MAS1L: variants seen among roughly 807,000 people sequenced by gnomAD.
MAS1L encodes MAS1 proto-oncogene like, G protein-coupled receptor.
For synonymous variants in MAS1L, 160 were observed against 182.9 expected (o/e 0.87, Z 1.01); for missense variants, 441 against 460.1 (o/e 0.96, Z 0.38).
chr6:29,487,642 G>A lies in MAS1L; in HGVS notation c.261C>T (p.Leu87=), dbSNP rs879211902. The part of the protein sequence containing the change: ...IIAPKAVLVS[L]CGVLLNGTVF... ...CAGTGCCATTCAATAAGACCCCACA[G>A]AGGGAGACCAGCACAGCCTTGGGGG... The change falls in exon 1 of 1, where the codon CTC becomes CTT. Residue 87 remains leucine, a synonymous_variant. Coordinates refer to ENST00000377127, the MANE Select transcript of MAS1L (RefSeq NM_052967.2). 6.2e-7 allele frequency: 1 copy of A among 1,614,242 alleles called. No homozygotes were observed. Among genetic ancestry groups the A allele is most frequent in the Non-Finnish European group, 8.5e-7 (1 of 1,180,046 alleles).
Position 29,487,467 on chromosome 6 carries a change from G to A in MAS1L, c.436C>T (p.Pro146Ser). ...GGAGACAATATGGCCAGGAAATCAG[G>A]GATAAAAAACACGACTCCATGATAA... ...LTYHGVVFFI[P>S]DFLAILSPFS... The change falls in exon 1 of 1, where the codon CCT becomes TCT. Residue 146 changes from proline to serine, a missense_variant. Pro to Ser is a moderately conservative substitution (Grantham distance 74, BLOSUM62 -1). Transcript: ENST00000377127. The A allele has an allele frequency of 6.2e-7, 1 of 1,613,576 alleles. No individual in the cohort carries two copies.
chr6:29,487,489 A>T, the MAS1L span: 2 of 1,614,070 alleles, frequency 1.2e-6, no homozygotes, highest in East Asian at 2.2e-5. Flanking sequence ...CGACTCCATG[A>T]TAAGTTAGCA....
rs908649034 is a variant in MAS1L, at chr6:29,486,809, T to C, written c.1094A>G (p.Glu365Gly). 1 of 1,613,874 alleles carries C rather than the reference T, an allele frequency of 6.2e-7. No individual in the cohort carries two copies. The highest frequency in any genetic ancestry group is 8.5e-7 in the Non-Finnish European group (1 of 1,179,998). The change falls in exon 1 of 1, where the codon GAG becomes GGG. Residue 365 changes from glutamate (E) to glycine (G), a missense_variant. Coordinates refer to ENST00000377127, the MANE Select transcript of MAS1L (RefSeq NM_052967.2). ...CCTGTGCTCCCTGGGAAGAAGGTTC[T>C]CCACATGCTGAGTAGAGTGTGGTTG... is the stretch of plus-strand genomic sequence containing the variant. Reference protein sequence around the residue: ...MEQPHSTQHVENLLPREHRVD... With the variant: ...MEQPHSTQHVGNLLPREHRVD...
At position 29,487,616 on chromosome 6, in the gene MAS1L, A is replaced by G; in HGVS notation, c.287T>C (p.Val96Ala). 6.2e-7 allele frequency: 1 copy of G among 1,614,218 alleles called. No homozygotes were observed. Among genetic ancestry groups the G allele is most frequent in the Non-Finnish European group, 8.5e-7 (1 of 1,180,040 alleles). The change falls in exon 1 of 1, where the codon GTC becomes GCC. Residue 96 changes from valine to alanine, a missense_variant. Coordinates refer to ENST00000377127, the MANE Select transcript of MAS1L (RefSeq NM_052967.2). ...GGCCCCACAGCAAAGCAGCCAGAAGACAGTGCCATTCAATAAGACCCCACA... is the reference window on the plus strand; with the variant it reads ...GGCCCCACAGCAAAGCAGCCAGAAGGCAGTGCCATTCAATAAGACCCCACA... ...SLCGVLLNGT[V>A]FWLLCCGATN... is the part of the protein sequence containing the mutation.
Position 29,486,815 on chromosome 6 carries a change from T to G in MAS1L, c.1088A>C (p.His363Pro), listed in dbSNP as rs940100492. 5 of 1,613,986 alleles carry G rather than the reference T, an allele frequency of 3.1e-6. No homozygotes were observed. Among genetic ancestry groups the G allele is most frequent in the African/African-American group, 2.7e-5 (2 of 74,908 alleles). The change falls in exon 1 of 1, where the codon CAT (histidine) becomes CCT (proline). Residue 363 changes from histidine (H) to proline (P), a missense_variant. By Grantham distance (77) the His-to-Pro change is moderately conservative. Coordinates refer to ENST00000377127, the MANE Select transcript of MAS1L (RefSeq NM_052967.2). ...DPMEQPHSTQHVENLLPREHR... is the reference protein window; with the variant it reads ...DPMEQPHSTQPVENLLPREHR... ...CTCCCTGGGAAGAAGGTTCTCCACA[T>G]GCTGAGTAGAGTGTGGTTGCTCCAT... is the stretch of plus-strand genomic sequence containing the variant.
In MAS1L at chr6:29,486,856, T is replaced by C; in HGVS notation, c.1047A>G (p.Ala349=). Residue 349 remains alanine, a synonymous_variant, in exon 1 of 1, where the codon GCA becomes GCG. Transcript: ENST00000377127. ...DKPEVGRNKK[A]AGIDPMEQPH... ...GTTGCTCCATTGGGTCGATGCCAGC[T>C]GCCTTTTTGTTCCTCCCCACCTCTG... The C allele has an allele frequency of 6.2e-7, 1 of 1,614,166 alleles. No individual in the cohort carries two copies. The highest frequency in any genetic ancestry group is 2.2e-5 in the East Asian group (1 of 44,880).
rs148359929 is a variant in MAS1L at position 29,486,847 on chromosome 6, G to C, written c.1056C>G (p.Ile352Met). The part of the protein sequence containing the change: ...EVGRNKKAAG[I>M]DPMEQPHSTQ... ...TAGAGTGTGGTTGCTCCATTGGGTC[G>C]ATGCCAGCTGCCTTTTTGTTCCTCC... The change falls in exon 1 of 1, where the codon ATC (isoleucine) becomes ATG (methionine). Residue 352 changes from isoleucine (I) to methionine (M), a missense_variant. Transcript: ENST00000377127. The C allele has an allele frequency of 6.2e-7, 1 of 1,613,996 alleles. No homozygotes were observed. Among genetic ancestry groups the C allele is most frequent in the African/African-American group, 1.3e-5 (1 of 74,894 alleles).
Position 29,486,762 on chromosome 6 carries a change from G to A in MAS1L, c.*4C>T, listed in dbSNP as rs1789280316. The stretch of plus-strand genomic sequence containing the variant: ...GTACAATTCCCCAGCTCAGATGTGG[G>A]AAATTATGTTTCCACATCGACCCTG... On this transcript the variant is annotated 3_prime_UTR_variant, in exon 1 of 1. Transcript: ENST00000377127. 20 of 1,607,602 alleles carry A rather than the reference G, an allele frequency of 1.2e-5. No homozygotes were observed. Among genetic ancestry groups the A allele is most frequent in the Middle Eastern group, 1.7e-4 (1 of 5,936 alleles).
Position 29,487,663 on chromosome 6 carries a change from G to A in MAS1L, c.240C>T (p.Pro80=). 1 of 1,614,192 alleles carries A rather than the reference G, an allele frequency of 6.2e-7. No individual in the cohort carries two copies. Among genetic ancestry groups the A allele is most frequent in the Non-Finnish European group, 8.5e-7 (1 of 1,180,034 alleles). ...QQALPLNIIA[P]KAVLVSLCGV... Reference sequence around the variant, plus strand: ...CACAGAGGGAGACCAGCACAGCCTTGGGGGCAATGATATTCAAGGGCAGGG... The same window carrying A: ...CACAGAGGGAGACCAGCACAGCCTTAGGGGCAATGATATTCAAGGGCAGGG... The change falls in exon 1 of 1, where the codon CCC becomes CCT. Residue 80 remains proline (P), a synonymous_variant. Coordinates refer to ENST00000377127, the MANE Select transcript of MAS1L (RefSeq NM_052967.2).
In MAS1L at chr6:29,487,454, G is replaced by T; in HGVS notation, c.449C>A (p.Ala150Asp). The change falls in exon 1 of 1, where the codon GCC becomes GAC. Residue 150 changes from alanine (A) to aspartate (D), a missense_variant. Coordinates refer to ENST00000377127, the MANE Select transcript of MAS1L (RefSeq NM_052967.2). ...GVVFFIPDFL[A>D]ILSPFSFEVC... Reference sequence around the variant, plus strand: ...CTCAAAGGAGAAGGGAGACAATATGGCCAGGAAATCAGGGATAAAAAACAC... The same window carrying T: ...CTCAAAGGAGAAGGGAGACAATATGTCCAGGAAATCAGGGATAAAAAACAC... 2.5e-6 allele frequency: 4 copies of T among 1,612,746 alleles called. No homozygotes were observed. Among genetic ancestry groups the T allele is most frequent in the Non-Finnish European group, 2.5e-6 (3 of 1,179,444 alleles).
At position 29,487,199 on chromosome 6, in the gene MAS1L, A is replaced by G. The variant is rs1258787579; in HGVS notation, c.704T>C (p.Leu235Pro). The G allele has an allele frequency of 6.2e-7, 1 of 1,614,146 alleles. No homozygotes were observed. The highest frequency in any genetic ancestry group is 2.2e-5 in the East Asian group (1 of 44,872). Residue 235 changes from leucine (L) to proline (P), a missense_variant, in exon 1 of 1, where the codon CTT (leucine) becomes CCT (proline). Physicochemically the swap from Leu to Pro is moderately conservative, Grantham distance 98 (BLOSUM62 -3). Coordinates refer to ENST00000377127, the MANE Select transcript of MAS1L (RefSeq NM_052967.2). ...ACTCGACACACACATCACAAGTGAAAGGATAGCATGGAAGAGCCCAGAAAG... is the reference window on the plus strand; with the variant it reads ...ACTCGACACACACATCACAAGTGAAGGGATAGCATGGAAGAGCCCAGAAAG... ...LKLSGLFHAI[L>P]SLVMCVSSLT...
rs767850234 is a variant in MAS1L, at chr6:29,486,814, A to T, written c.1089T>A (p.His363Gln). 2 of 1,614,078 alleles carry T rather than the reference A, an allele frequency of 1.2e-6. No individual in the cohort carries two copies. Among genetic ancestry groups the T allele is most frequent in the Non-Finnish European group, 1.7e-6 (2 of 1,180,018 alleles). Residue 363 changes from histidine to glutamine, a missense_variant, in exon 1 of 1, where the codon CAT becomes CAA. His to Gln is a conservative substitution (Grantham distance 24). Coordinates refer to ENST00000377127, the MANE Select transcript of MAS1L (RefSeq NM_052967.2). ...DPMEQPHSTQHVENLLPREHR... is the reference protein window; with the variant it reads ...DPMEQPHSTQQVENLLPREHR... ...GCTCCCTGGGAAGAAGGTTCTCCAC[A>T]TGCTGAGTAGAGTGTGGTTGCTCCA...
chr6:29,486,834 G>A, the MAS1L span: 1 of 1,614,128 alleles, frequency 6.2e-7, no homozygotes, highest in South Asian at 1.1e-5. Flanking sequence ...GAGTGTGGTT[G>A]CTCCATTGGG....
rs941103615 is a variant in MAS1L, at chr6:29,486,772, T to A, written c.1131A>T (p.Glu377Asp). Residue 377 changes from glutamate to aspartate, a missense_variant, in exon 1 of 1, where the codon GAA becomes GAT. Physicochemically the swap from Glu to Asp is conservative, Grantham distance 45. Coordinates refer to ENST00000377127, the MANE Select transcript of MAS1L (RefSeq NM_052967.2). ...CCAGCTCAGATGTGGGAAATTATGT[T>A]TCCACATCGACCCTGTGCTCCCTGG... ...LLPREHRVDV[E>D]T 6.2e-7 allele frequency: 1 copy of A among 1,609,852 alleles called. No individual in the cohort carries two copies. The highest frequency in any genetic ancestry group is 1.3e-5 in the African/African-American group (1 of 74,780).
rs771953446 is a variant in MAS1L at position 29,487,912 on chromosome 6, G to A, written c.-10C>T. The A allele has an allele frequency of 1.9e-6, 3 of 1,596,530 alleles. No individual in the cohort carries two copies. The highest frequency in any genetic ancestry group is 1.7e-5 in the Admixed American group (1 of 59,402). ...TTTTCCCCCAGACCATGGGGTGCTG[G>A]GACCTGAGTGGGCCACAACATCACA... On this transcript the variant is annotated 5_prime_UTR_variant, in exon 1 of 1. Coordinates refer to ENST00000377127, the MANE Select transcript of MAS1L (RefSeq NM_052967.2).
At position 29,487,491 on chromosome 6, in the gene MAS1L, A is replaced by C; in HGVS notation, c.412T>G (p.Tyr138Asp). 1 of 1,614,182 alleles carries C rather than the reference A, an allele frequency of 6.2e-7. No homozygotes were observed. The highest frequency in any genetic ancestry group is 8.5e-7 in the Non-Finnish European group (1 of 1,180,036). Residue 138 changes from tyrosine (Y) to aspartate (D), a missense_variant, in exon 1 of 1, where the codon TAT (tyrosine) becomes GAT (aspartate). Transcript: ENST00000377127. ...VGFLQVTLLT[Y>D]HGVVFFIPDF... The stretch of plus-strand genomic sequence containing the variant: ...GGGATAAAAAACACGACTCCATGAT[A>C]AGTTAGCAGAGTCACCTGTAAGAAC...
In MAS1L at chr6:29,486,745, C is replaced by G. The variant is rs1789278152; in HGVS notation, c.*21G>C. The G allele has an allele frequency of 1.3e-6, 2 of 1,593,288 alleles. No homozygotes were observed. The highest frequency in any genetic ancestry group is 1.7e-6 in the Non-Finnish European group (2 of 1,170,576). On this transcript the variant is annotated 3_prime_UTR_variant, in exon 1 of 1. Transcript: ENST00000377127. ...AGGCTGGGTTACTATGTGTACAATT[C>G]CCCAGCTCAGATGTGGGAAATTATG...
In MAS1L at chr6:29,487,549, A is replaced by G. The variant is rs79068858; in HGVS notation, c.354T>C (p.Ala118=). 3,890 of 1,614,190 alleles carry G rather than the reference A, an allele frequency of 2.4e-3. 13 individuals carry two copies. Among genetic ancestry groups the G allele is most frequent in the African/African-American group, 9.3e-3 (701 of 75,068 alleles). Residue 118 remains alanine, a synonymous_variant, in exon 1 of 1, where the codon GCT becomes GCC. Coordinates refer to ENST00000377127, the MANE Select transcript of MAS1L (RefSeq NM_052967.2). The part of the protein sequence containing the change: ...YMVYILHLVA[A]DVIYLCCSAV... Reference sequence around the variant, plus strand: ...CCGAGCAGCAAAGATAGATCACGTCAGCAGCGACCAGGTGGAGGATGTATA... The same window carrying G: ...CCGAGCAGCAAAGATAGATCACGTCGGCAGCGACCAGGTGGAGGATGTATA...
Position 29,487,127 on chromosome 6 carries a change from G to T in MAS1L, c.776C>A (p.Ala259Asp). Residue 259 changes from alanine (A) to aspartate (D), a missense_variant, in exon 1 of 1, where the codon GCC becomes GAC. Physicochemically the swap from Ala to Asp is moderately radical, Grantham distance 126. Coordinates refer to ENST00000377127, the MANE Select transcript of MAS1L (RefSeq NM_052967.2). ...CTGCACCACCGCATAGACCCTGGTG[G>T]CCTTTTGCTGCTGGGAGCAGCACAG... ...RFLCCSQQQK[A>D]TRVYAVVQIS... The T allele has an allele frequency of 6.2e-7, 1 of 1,614,100 alleles. No individual in the cohort carries two copies. The highest frequency in any genetic ancestry group is 8.5e-7 in the Non-Finnish European group (1 of 1,179,990).
Sources: gnomAD v4.1 joint callset for allele counts on GRCh38, gnomAD v4.1.1 for gene constraint, MANE v1.5 for transcripts, NCBI Gene and HGNC (gene_info 2026-07-23, HGNC 2026-07-21) for gene names.